KPNA6: variants seen among roughly 807,000 people sequenced by gnomAD.
The protein encoded by KPNA6 is karyopherin subunit alpha 6.
Under a neutral mutation model 72.0 loss-of-function variants are expected in KPNA6, and 9 were observed. That is an observed-to-expected ratio of 0.13 (90% CI 0.08 to 0.22). The LOEUF (loss-of-function observed/expected upper bound fraction) is 0.22. Ranked by LOEUF, KPNA6 falls within the 10% of genes least tolerant of loss-of-function variation. KPNA6 has a pLI of 1.00. For missense variants in KPNA6, 374 were observed against 655.7 expected (o/e 0.57, Z 4.69); for synonymous variants, 219 against 242.1 (o/e 0.90, Z 0.89).
intron 1 of KPNA6, among the ~76,000 whole-genome samples, chr1:32,136,181 C>CTTTTTTTTTT (rs759447035): frequency 2.2e-5 from 3 of 139,304 alleles, no homozygotes; most frequent in African/African-American, 2.7e-5. Context: ...TAGCTTCTCT[C>CTTTTTTTTTT]TTTTTTTTTT....
chr1:32,127,980 T>TAC (rs763124534), intron 1 of KPNA6, among the ~76,000 whole-genome samples: 1 of 151,942 alleles, frequency 6.6e-6, no homozygotes, highest in African/African-American at 2.4e-5. Flanking sequence ...CACACACACA[T>TAC]ACACACACAC....
In KPNA6 at chr1:32,162,544, G is replaced by A. The variant is rs1389766018; in HGVS notation, c.911+20G>A. 13 of 1,613,004 alleles carry A rather than the reference G, an allele frequency of 8.1e-6. No individual in the cohort carries two copies. The highest frequency in any genetic ancestry group is 1.0e-5 in the Non-Finnish European group (12 of 1,179,844). On this transcript the variant is annotated intron_variant, in intron 9 of 13. Transcript: ENST00000373625. ...GCTGATGTGAGTGGTCTTAGAAGGG[G>A]TACAGGTTCTGGCTGGGCACGGTGG...
chr1:32,148,445 G>T (rs1032668785), intron 1 of KPNA6, among the ~76,000 whole-genome samples: 1 of 151,784 alleles, frequency 6.6e-6, no homozygotes, highest in Non-Finnish European at 1.5e-5. Flanking sequence ...GCTCCTTCAT[G>T]TGTAGATTCA....
chr1:32,108,083 A>G lies in KPNA6; in HGVS notation c.-48A>G, dbSNP rs1455424937. On this transcript the variant is annotated 5_prime_UTR_variant, in exon 1 of 14. Transcript: ENST00000373625. ...ATTGTCTACTGAAAGCTGCCGCTGA[A>G]GCTGCCGCCGTTGCCTCCGCCGCCA... 5.6e-6 allele frequency: 9 copies of G among 1,613,670 alleles called. No homozygotes were observed. The highest frequency in any genetic ancestry group is 1.1e-5 in the South Asian group (1 of 91,062).
In KPNA6 at chr1:32,108,100, C is replaced by G; in HGVS notation, c.-31C>G. ...GCCGCTGAAGCTGCCGCCGTTGCCT[C>G]CGCCGCCAAGAGTGAGCGAGCGGAC... On this transcript the variant is annotated 5_prime_UTR_variant, in exon 1 of 14. Transcript: ENST00000373625. The G allele has an allele frequency of 6.2e-7, 1 of 1,613,966 alleles. No homozygotes were observed. The highest frequency in any genetic ancestry group is 2.2e-5 in the East Asian group (1 of 44,878).
Position 32,160,611 on chromosome 1 carries a change from T to G in KPNA6, c.559-4T>G. 6.2e-7 allele frequency: 1 copy of G among 1,613,344 alleles called. No homozygotes were observed. On this transcript the variant is annotated splice_polypyrimidine_tract_variant and splice_region_variant and intron_variant, in intron 6 of 13. Coordinates refer to ENST00000373625, the MANE Select transcript of KPNA6 (RefSeq NM_012316.5). ...GGGTGACAGTTTCATTATCCCCTTT[T>G]CAGGCAGTCTGGGCACTGGGAAACA...
At chr1:32,131,702 A>ATGTATG (rs1221515859) in intron 1 of KPNA6, among the ~76,000 whole-genome samples, 1 of 150,676 alleles carries the variant, frequency 6.6e-6, no homozygotes, top group East Asian at 1.9e-4. Flanking sequence ...ATATATATAT[A>ATGTATG]TGTATGTGTA....
intron 1 of KPNA6, among the ~76,000 whole-genome samples, chr1:32,139,115 A>G (rs887463952): frequency 6.6e-6 from 1 of 152,162 alleles, no homozygotes; most frequent in Non-Finnish European, 1.5e-5. Context: ...GGAACAACGT[A>G]TATGCTCGAT....
At chr1:32,119,032 A>ATTTTTTT (rs71006332) in intron 1 of KPNA6, among the ~76,000 whole-genome samples, 7 of 40,280 alleles carry the variant, frequency 1.7e-4, no homozygotes, top group African/African-American at 5.0e-4. Context: ...ATATATATAT[A>ATTTTTTT]TTTTTTTTTT....
At chr1:32,117,482 T>TG (rs1641348737) in intron 1 of KPNA6, among the ~76,000 whole-genome samples, 1 of 151,922 alleles carries the variant, frequency 6.6e-6, no homozygotes, top group South Asian at 2.1e-4. Flanking sequence ...CAATTTGTTT[T>TG]TTTTTTTTTA....
intron 1 of KPNA6, among the ~76,000 whole-genome samples, chr1:32,139,460 A>G (rs1024916422): frequency 9.2e-5 from 14 of 152,156 alleles, no homozygotes; most frequent in African/African-American, 3.1e-4. Flanking sequence ...CTATATATAT[A>G]TGTTTTTTTC....
chr1:32,159,249 A>G (rs961338790), intron 5 of KPNA6, 151 bp from the exon 6 acceptor site: 1 of 727,154 alleles, frequency 1.4e-6, no homozygotes. Context: ...TGTGTTTTAA[A>G]TTCGTGGGCA....
rs541349474 is a variant in KPNA6, at chr1:32,162,197, A to G, written c.747+151A>G. 18 of 920,608 alleles carry G rather than the reference A, an allele frequency of 2.0e-5. No homozygotes were observed. In the South Asian group the frequency reaches 2.6e-4, roughly 13 times the overall value. 57.0% of individuals were successfully genotyped at this position (920,608 alleles called of 1,614,324 possible). A position where few individuals can be genotyped will look rare whatever the true frequency, so the allele number is the denominator to read the frequency against. On this transcript the variant is annotated intron_variant, in intron 8 of 13. Transcript: ENST00000373625. ...AGATGATCTTGTGTACCTGGATAGT[A>G]AAGTGAAAAGGTAGACCCAAATGTT... is the stretch of plus-strand genomic sequence containing the variant.
At chr1:32,162,137 C>A in intron 8 of KPNA6, 91 bp downstream of exon 8, 1 of 1,070,348 alleles carries the variant, frequency 9.3e-7, no homozygotes, top group Non-Finnish European at 1.4e-6. Flanking sequence ...AGTCTCAAAT[C>A]ATGGGAAACT....
chr1:32,132,719 C>T (rs917438477), intron 1 of KPNA6, among the ~76,000 whole-genome samples: 1 of 152,014 alleles, frequency 6.6e-6, no homozygotes, highest in Non-Finnish European at 1.5e-5. Flanking sequence ...CTGGCTAACA[C>T]GGTGAAACCC....
intron 2 of KPNA6, 41 bp from the exon 3 acceptor site, chr1:32,156,812 G>T: frequency 7.1e-7 from 1 of 1,418,000 alleles, no homozygotes; most frequent in South Asian, 1.2e-5. Context: ...TGTTTTCTTT[G>T]GTTCAGAGAG....
chr1:32,136,610 A>G (rs1641740071), intron 1 of KPNA6, among the ~76,000 whole-genome samples: 3 of 152,212 alleles, frequency 2.0e-5, no homozygotes, highest in African/African-American at 7.2e-5. Flanking sequence ...GTAATAATAT[A>G]TTATCACTGG....
chr1:32,126,847 A>G (rs374059859), intron 1 of KPNA6, among the ~76,000 whole-genome samples: 48 of 152,302 alleles, frequency 3.2e-4, no homozygotes, highest in African/African-American at 1.1e-3. Context: ...ACAGAATGGA[A>G]GGATAAAGAT....
At chr1:32,144,308 C>T (rs540471238) in intron 1 of KPNA6, among the ~76,000 whole-genome samples, 19 of 152,106 alleles carry the variant, frequency 1.2e-4, no homozygotes, top group African/African-American at 2.7e-4. Flanking sequence ...ATGGTTAGCG[C>T]GATATTTCAT....
Sources: allele counts gnomAD v4.1 joint callset (sites outside exome capture counted in the v4.1 genomes callset), GRCh38; gene constraint gnomAD v4.1.1; transcripts MANE v1.5; gene names NCBI Gene and HGNC (gene_info 2026-07-23, HGNC 2026-07-21).